Variants in CACNA1B observed in about 807,000 individuals in gnomAD.
CACNA1B encodes the protein calcium voltage-gated channel subunit alpha1 B.
CACNA1B carries 70 observed loss-of-function variants against 247.2 expected under a neutral mutation model. The ratio of observed to expected loss-of-function variants is 0.28; its 90% CI spans 0.23 to 0.35. The LOEUF (loss-of-function observed/expected upper bound fraction) is 0.35, where lower values mean the gene tolerates loss of function less well. CACNA1B is among the 10% of genes least tolerant of loss of function. The probability of loss-of-function intolerance (pLI) is 1.00; values close to 1 mark genes in which losing one functional copy is unlikely to be tolerated. For synonymous variants in CACNA1B, 1,231 were observed against 1,294.4 expected (o/e 0.95, Z 1.05); for missense variants, 2,367 against 3,197.4 (o/e 0.74, Z 6.26).
Position 138,010,212 on chromosome 9 carries a change from C to A in CACNA1B, c.2160+135C>A. 1 of 667,256 alleles carries A rather than the reference C, an allele frequency of 1.5e-6. No homozygotes were observed. The highest frequency in any genetic ancestry group is 1.8e-5 in the South Asian group (1 of 54,254). The allele number at this position is 667,256 out of a possible 1,614,324, so 41.3% of individuals were successfully genotyped here. ...TGGGTCCTGGCGGGCAGAGGCTGGT[C>A]TGTCACTCAGGGGCTGGAGGCTGGA... On this transcript the variant is annotated intron_variant, in intron 17 of 46. Coordinates refer to ENST00000371372, the MANE Select transcript of CACNA1B (RefSeq NM_000718.4). This position sits in a 1 kb window ranked among gnomAD's most constrained non-coding sequence, Gnocchi z 5.3.
rs919774618 is a variant in CACNA1B, at chr9:138,072,571, C to G, written c.4675-917C>G. Among the ~76,000 whole-genome samples the G allele has an allele frequency of 1.1e-4, 17 of 152,370 alleles. No individual in the cohort carries two copies. Among genetic ancestry groups the G allele is most frequent in the African/African-American group, 4.1e-4 (17 of 41,586 alleles). On this transcript the variant is annotated intron_variant, in intron 32 of 46. Coordinates refer to ENST00000371372, the MANE Select transcript of CACNA1B (RefSeq NM_000718.4). The surrounding 1 kb of genome is among the most constrained non-coding windows in gnomAD (Gnocchi z 4.5). ...AATGCTGCAGTGGCAGGAAGCTGCT[C>G]TCAGGCTGTGTGTGGGCACCTGACC...
At chr9:137,968,478 C>G (rs879614020) in intron 10 of CACNA1B, among the ~76,000 whole-genome samples, 2 of 152,202 alleles carry the variant, frequency 1.3e-5, no homozygotes, top group Non-Finnish European at 2.9e-5. Flanking sequence ...CTCCAGGCTG[C>G]GTGATGTGCA....
intron 1 of CACNA1B, among the ~76,000 whole-genome samples, chr9:137,878,808 G>A (rs1956873923): frequency 6.6e-6 from 1 of 152,150 alleles, no homozygotes; most frequent in South Asian, 2.1e-4. Context: ...CGGTGCTGAC[G>A]GCCGCCCGGG....
chr9:138,043,851 C>A lies in CACNA1B; in HGVS notation c.3364C>A (p.Arg1122=). The A allele has an allele frequency of 6.2e-7, 1 of 1,613,980 alleles. No individual in the cohort carries two copies. Among genetic ancestry groups the A allele is most frequent in the Non-Finnish European group, 8.5e-7 (1 of 1,179,864 alleles). ...GGATGACGTGATGAGGAGCGGCCCC[C>A]GGCCTATCGTCCCATACAGCTCCAT... ...EADDVMRSGP[R]PIVPYSSMFC... The change falls in exon 21 of 47, where the codon CGG becomes AGG. Residue 1122 remains arginine (R), a synonymous_variant. Transcript: ENST00000371372.
At chr9:138,049,139 G>A in intron 23 of CACNA1B, 70 bp from the exon 24 acceptor site, 1 of 1,020,692 alleles carries the variant, frequency 9.8e-7, no homozygotes, top group East Asian at 2.4e-5. Flanking sequence ...ACAGGCATGA[G>A]CCTCTGCACC....
intron 6 of CACNA1B, among the ~76,000 whole-genome samples, chr9:137,923,206 G>C (rs1235804634): frequency 6.6e-5 from 10 of 151,710 alleles, no homozygotes. Context: ...CGTGGTGCCA[G>C]GTGGTATTCC....
chr9:137,913,943 C>T lies in CACNA1B; in HGVS notation c.622+672C>T, dbSNP rs1348874114. On this transcript the variant is annotated intron_variant, in intron 4 of 46. Transcript: ENST00000371372. The surrounding 1 kb of genome is among the most constrained non-coding windows in gnomAD (Gnocchi z 5.2). ...AGACCTTGCCAGGCAATGGTTCTGG[C>T]CCATATCCAAGTGCTGGGGCCAGAC... Among the ~76,000 whole-genome samples, 1 of 152,216 alleles carries T rather than the reference C, an allele frequency of 6.6e-6. No individual in the cohort carries two copies. The highest frequency in any genetic ancestry group is 1.5e-5 in the Non-Finnish European group (1 of 68,038).
At chr9:138,103,635 A>G (rs1287489249) in intron 38 of CACNA1B, among the ~76,000 whole-genome samples, 3 of 151,984 alleles carry the variant, frequency 2.0e-5, no homozygotes, top group African/African-American at 7.2e-5. Context: ...ATGTGTAAGC[A>G]CCTTCGTTCC....
intron 20 of CACNA1B, among the ~76,000 whole-genome samples, chr9:138,040,887 C>T (rs1959112128): frequency 6.6e-6 from 1 of 152,156 alleles, no homozygotes; most frequent in Non-Finnish European, 1.5e-5. Context: ...ACATCACATC[C>T]TCCTTTTCTC....
intron 40 of CACNA1B, among the ~76,000 whole-genome samples, chr9:138,113,028 C>T (rs1359474013): frequency 7.0e-6 from 1 of 143,008 alleles, no homozygotes; most frequent in Non-Finnish European, 1.5e-5. Context: ...GTGCCCAACT[C>T]CTTCTTGTGA....
intron 36 of CACNA1B, among the ~76,000 whole-genome samples, chr9:138,084,700 C>G (rs866223157): frequency 2.0e-4 from 30 of 151,174 alleles, no homozygotes; most frequent in African/African-American, 7.3e-4. Flanking sequence ...GCCTGTAATC[C>G]CAGCACTTTG....
intron 40 of CACNA1B, 97 bp from the exon 41 acceptor site, chr9:138,114,281 A>C: frequency 1.5e-6 from 1 of 669,058 alleles, no homozygotes. Context: ...GTGGGGGGCG[A>C]GGGAGGGGCG....
At chr9:137,934,642 T>A (rs1035431273) in intron 6 of CACNA1B, among the ~76,000 whole-genome samples, 3 of 152,150 alleles carry the variant, frequency 2.0e-5, no homozygotes, top group Non-Finnish European at 2.9e-5. Flanking sequence ...ACAGTTCATA[T>A]CACAGGACTC....
At chr9:137,920,151 C>G (rs543939997) in intron 6 of CACNA1B, among the ~76,000 whole-genome samples, 32 of 152,194 alleles carry the variant, frequency 2.1e-4, no homozygotes, top group African/African-American at 7.0e-4. Context: ...TGGGTATTGT[C>G]ATGGTGAAGC....
chr9:137,910,860 C>G (rs778598233), intron 3 of CACNA1B, among the ~76,000 whole-genome samples: 1 of 152,190 alleles, frequency 6.6e-6, no homozygotes, highest in Admixed American at 6.5e-5. Context: ...GACCCTTGCT[C>G]TGATGCACGG....
intron 15 of CACNA1B, among the ~76,000 whole-genome samples, chr9:137,991,920 A>G (rs985550026): frequency 6.6e-6 from 1 of 152,238 alleles, no homozygotes; most frequent in African/African-American, 2.4e-5. Context: ...AGCCAGCACT[A>G]TAAGAACTGC....
intron 15 of CACNA1B, among the ~76,000 whole-genome samples, chr9:137,993,101 C>CA (rs1958452079): frequency 6.6e-6 from 1 of 152,088 alleles, no homozygotes; most frequent in African/African-American, 2.4e-5. Context: ...CACAAATAGA[C>CA]AATCTAAAGT....
At chr9:137,884,518 ATGGTAGC>A (rs1956975558) in intron 3 of CACNA1B, among the ~76,000 whole-genome samples, 3 of 145,026 alleles carry the variant, frequency 2.1e-5, no homozygotes, top group Admixed American at 2.1e-4. Context: ...CCCAGGAGTC[ATGGTAGC>A]TGTTTACCCC....
In CACNA1B at chr9:138,012,146, G is replaced by A. The variant is rs1958732202; in HGVS notation, c.2161-983G>A. On this transcript the variant is annotated intron_variant, in intron 17 of 46. Transcript: ENST00000371372. This position sits in a 1 kb window ranked among gnomAD's most constrained non-coding sequence, Gnocchi z 4.2. ...TGAAGTTCAGGGCCAGGCACTGCAA[G>A]TGGTCACCCAGGAGTGGGGGAGACA... Among the ~76,000 whole-genome samples the A allele has an allele frequency of 6.6e-6, 1 of 152,234 alleles. No homozygotes were observed. The highest frequency in any genetic ancestry group is 2.4e-5 in the African/African-American group (1 of 41,468).
Sources: allele counts gnomAD v4.1 joint callset (sites outside exome capture counted in the v4.1 genomes callset), GRCh38; gene constraint gnomAD v4.1.1; non-coding constraint Gnocchi (gnomAD v3.1); transcripts MANE v1.5; gene names NCBI Gene and HGNC (gene_info 2026-07-23, HGNC 2026-07-21).